RDX: variants seen among roughly 807,000 people sequenced by gnomAD.
RDX encodes the protein deafness, autosomal recessive 24.
RDX carries 32 observed loss-of-function variants against 83.7 expected under a neutral mutation model. The ratio of observed to expected loss-of-function variants is 0.38; its 90% CI spans 0.29 to 0.51. The LOEUF (loss-of-function observed/expected upper bound fraction) is 0.51. Among genes scored for constraint, RDX ranks in the 20% least tolerant of loss-of-function variants. The probability of loss-of-function intolerance (pLI) is 0.87; values close to 1 mark genes in which losing one functional copy is unlikely to be tolerated. For missense variants in RDX, 600 were observed against 689.9 expected (o/e 0.87, Z 1.46); for synonymous variants, 229 against 222.7 (o/e 1.03, Z -0.25).
intron 5 of RDX, among the ~76,000 whole-genome samples, chr11:110,258,580 T>C (rs1859654439): frequency 6.6e-6 from 1 of 152,036 alleles, no homozygotes; most frequent in African/African-American, 2.4e-5. Context: ...CTCCATAAAG[T>C]GATTACAAAG....
intron 14 of RDX, among the ~76,000 whole-genome samples, chr11:110,201,330 GA>G (rs1489037588): frequency 6.6e-6 from 1 of 152,132 alleles, no homozygotes; most frequent in Non-Finnish European, 1.5e-5. Flanking sequence ...CAAAGGAAGA[GA>G]ATTATTTTTC....
intron 10 of RDX, 87 bp downstream of exon 10, chr11:110,247,616 A>C: frequency 7.5e-7 from 1 of 1,332,734 alleles, no homozygotes; most frequent in Non-Finnish European, 1.0e-6. Flanking sequence ...TATAACAAAT[A>C]AGGTTTAAGA....
At chr11:110,226,810 T>A (rs555349192), downstream of RDX, among the ~76,000 whole-genome samples, 1 of 152,198 alleles carries the variant, frequency 6.6e-6, no homozygotes, top group Non-Finnish European at 1.5e-5. Context: ...AGGATAACTT[T>A]ATTAACTGGT....
intron 7 of RDX, among the ~76,000 whole-genome samples, chr11:110,256,609 T>A (rs987494927): frequency 6.6e-6 from 1 of 152,160 alleles, no homozygotes; most frequent in African/African-American, 2.4e-5. Flanking sequence ...GCACAGTGGC[T>A]CACGCCTGTA....
At position 110,262,322 on chromosome 11, in the gene RDX, C is replaced by T. The variant is rs1440983371; in HGVS notation, c.467+1638G>A. On this transcript the variant is annotated intron_variant, in intron 5 of 13. Transcript: ENST00000645495. ...AATTTTGGCTGAGCATGGTGACTCA[C>T]GCCTATAATCCCAGCACTTTGGGAG... Among the ~76,000 whole-genome samples the T allele has an allele frequency of 2.0e-5, 3 of 152,186 alleles. 1 individual carries two copies. The highest frequency in any genetic ancestry group is 4.1e-4 in the South Asian group (2 of 4,828).
chr11:110,233,580 A>C (rs1053858907), intron 12 of RDX, 101 bp from the exon 13 acceptor site: 1 of 1,282,748 alleles, frequency 7.8e-7, no homozygotes, highest in Non-Finnish European at 1.1e-6. Flanking sequence ...ATTTCAAGGT[A>C]ATGAAAATAG....
chr11:110,246,177 T>A (rs1555040097), intron 10 of RDX, among the ~76,000 whole-genome samples: 1 of 152,178 alleles, frequency 6.6e-6, no homozygotes, highest in African/African-American at 2.4e-5. Flanking sequence ...ATTACAGGCA[T>A]GAGCCACCGC....
chr11:110,267,734 C>A (rs1211147953), intron 3 of RDX, among the ~76,000 whole-genome samples: 2 of 151,446 alleles, frequency 1.3e-5, no homozygotes, highest in African/African-American at 2.4e-5. Flanking sequence ...GAGGCCAAGG[C>A]AGGAGGAGCT....
intron 1 of RDX, among the ~76,000 whole-genome samples, chr11:110,282,875 G>T (rs1591183472): frequency 6.6e-6 from 1 of 152,216 alleles, no homozygotes; most frequent in African/African-American, 2.4e-5. Context: ...TACTCAAGAG[G>T]CTAAGGCAGG....
At chr11:110,175,617 G>A (rs1489300069) in intron 15 of RDX, among the ~76,000 whole-genome samples, 1 of 152,200 alleles carries the variant, frequency 6.6e-6, no homozygotes, top group Non-Finnish European at 1.5e-5. Flanking sequence ...AGCCCCTGGG[G>A]TGGGGGTGGG....
In RDX at chr11:110,201,903, T is replaced by G. The variant is rs199507050; in HGVS notation, c.1749-2225A>C. ...CACATGCCACCACATCCGGCTAATT[T>G]TGTGTGTGTGTGTGTGTGTGTGTGT... is the stretch of plus-strand genomic sequence containing the variant. On this transcript the variant is annotated intron_variant, in intron 14 of 15. Coordinates refer to the RDX transcript ENST00000528498. Among the ~76,000 whole-genome samples the G allele has an allele frequency of 5.1e-5, 7 of 137,322 alleles. No individual in the cohort carries two copies. In the East Asian group the frequency reaches 6.6e-4, roughly 13 times the overall value. The allele number at this position is 137,322 out of a possible 152,430, so 90.1% of individuals were successfully genotyped here. A position where few individuals can be genotyped will look rare whatever the true frequency, so the allele number is the denominator to read the frequency against.
At chr11:110,249,584 C>T (rs945252183) in intron 9 of RDX, among the ~76,000 whole-genome samples, 1 of 152,106 alleles carries the variant, frequency 6.6e-6, no homozygotes, top group Non-Finnish European at 1.5e-5. Context: ...ATGAATCCTT[C>T]CACCATTTAA....
intron 7 of RDX, among the ~76,000 whole-genome samples, chr11:110,256,543 A>G (rs1271253119): frequency 6.6e-6 from 1 of 152,200 alleles, no homozygotes; most frequent in African/African-American, 2.4e-5. Context: ...TAACATTTAA[A>G]AAAATTGCTC....
rs7118575 is a variant in RDX at position 110,283,957 on chromosome 11, C to A, written c.-64-4201G>T. On this transcript the variant is annotated intron_variant, in intron 1 of 13. Transcript: ENST00000645495. ...ATATAAAGATATTGCTCAGATTCCACTCAGTAAACACTTCAATAAGAAACT... is the reference window on the plus strand; with the variant it reads ...ATATAAAGATATTGCTCAGATTCCAATCAGTAAACACTTCAATAAGAAACT... 7.4e-3 allele frequency among the ~76,000 whole-genome samples: 1,133 copies of A among 152,218 alleles called. 23 individuals are homozygous for A. The highest frequency in any genetic ancestry group is 0.026 in the African/African-American group (1,072 of 41,536).
chr11:110,242,002 T>C (rs1404480440), intron 10 of RDX, among the ~76,000 whole-genome samples: 1 of 151,926 alleles, frequency 6.6e-6, no homozygotes, highest in Non-Finnish European at 1.5e-5. Context: ...AGTAGAATGA[T>C]GGTTGCCAGG....
At chr11:110,295,673 C>T (rs1861424171) in intron 1 of RDX, among the ~76,000 whole-genome samples, 1 of 150,442 alleles carries the variant, frequency 6.6e-6, no homozygotes, top group Non-Finnish European at 1.5e-5. Flanking sequence ...ATGCACTGCC[C>T]CCTTTCAAAG....
intron 15 of RDX, among the ~76,000 whole-genome samples, chr11:110,186,403 T>A (rs1019520188): frequency 1.3e-5 from 2 of 152,034 alleles, no homozygotes; most frequent in Non-Finnish European, 2.9e-5. Flanking sequence ...TTTTTTGGTA[T>A]CTGAACATAG....
Position 110,265,259 on chromosome 11 carries a change from T to A in RDX, c.97-385A>T, listed in dbSNP as rs112278149. Among the ~76,000 whole-genome samples the A allele has an allele frequency of 8.8e-4, 133 of 151,886 alleles. 1 individual carries two copies. Among genetic ancestry groups the A allele is most frequent in the African/African-American group, 3.1e-3 (129 of 41,454 alleles). ...GTATGCACTACCACGCCTAGCTAAT[T>A]TTTTGTATTTTTAGTAGAGATGGGG... On this transcript the variant is annotated intron_variant, in intron 3 of 13. Coordinates refer to ENST00000645495, the MANE Select transcript of RDX (RefSeq NM_002906.4).
chr11:110,207,725 C>T (rs372102262), intron 14 of RDX, among the ~76,000 whole-genome samples: 2 of 151,988 alleles, frequency 1.3e-5, no homozygotes, highest in East Asian at 1.9e-4. Flanking sequence ...CACAAACATG[C>T]TCATTATTTA....
Sources: gnomAD v4.1 joint callset for allele counts (sites outside exome capture counted in the v4.1 genomes callset) on GRCh38, gnomAD v4.1.1 for gene constraint, MANE v1.5 for transcripts, NCBI Gene and HGNC (gene_info 2026-07-23, HGNC 2026-07-21) for gene names.